Variants in SNX29 observed in about 807,000 individuals in gnomAD.
SNX29 encodes sorting nexin 29, also known as sorting nexin-29.
Under a neutral mutation model 102.1 loss-of-function variants are expected in SNX29, and 78 were observed. That is an observed-to-expected ratio of 0.76 (90% CI 0.64 to 0.92). SNX29 has a LOEUF of 0.92. Ranked by LOEUF, SNX29 falls within the 40% of genes least tolerant of loss-of-function variation. The pLI is 0.00. For synonymous variants in SNX29, 580 were observed against 414.5 expected (o/e 1.40, Z -4.85); for missense variants, 1,280 against 1,061.7 (o/e 1.21, Z -2.86).
chr16:12,339,951 A>G (rs1263614526), intron 15 of SNX29, among the ~76,000 whole-genome samples: 3 of 152,214 alleles, frequency 2.0e-5, no homozygotes, highest in Admixed American at 2.0e-4. Context: ...TTTCTTAAGA[A>G]AAAGCAGGAT....
intron 16 of SNX29, among the ~76,000 whole-genome samples, chr16:12,387,780 A>C (rs1567511592): frequency 6.6e-6 from 1 of 152,162 alleles, no homozygotes; most frequent in Admixed American, 6.5e-5. Flanking sequence ...CTTGGTAGCC[A>C]AAACTAATCA....
intron 1 of SNX29, among the ~76,000 whole-genome samples, chr16:11,977,266 C>G (rs1188088037): frequency 6.6e-6 from 1 of 152,122 alleles, no homozygotes; most frequent in Non-Finnish European, 1.5e-5. Flanking sequence ...CAGGCATAGT[C>G]TTTCTGGACA....
intron 6 of SNX29, among the ~76,000 whole-genome samples, chr16:12,047,507 T>C (rs1231655766): frequency 6.6e-6 from 1 of 152,174 alleles, no homozygotes; most frequent in Non-Finnish European, 1.5e-5. Context: ...TGTTAACCAG[T>C]GCACATTTGA....
At chr16:12,440,342 C>G (rs2085743534) in intron 18 of SNX29, among the ~76,000 whole-genome samples, 1 of 152,218 alleles carries the variant, frequency 6.6e-6, no homozygotes, top group Non-Finnish European at 1.5e-5. Context: ...AGGTTTTCAT[C>G]ACCCTGGAGA....
chr16:12,562,371 T>G (rs754922338), intron 20 of SNX29, among the ~76,000 whole-genome samples: 7 of 141,074 alleles, frequency 5.0e-5, no homozygotes, highest in Non-Finnish European at 1.1e-4. Context: ...CTTGCACCAT[T>G]TTTTAAAACA....
intron 15 of SNX29, among the ~76,000 whole-genome samples, chr16:12,290,677 A>G (rs764217669): frequency 2.8e-4 from 42 of 152,162 alleles, no homozygotes; most frequent in African/African-American, 1.7e-4. Context: ...TTCTTTTTGT[A>G]GACACATAGG....
chr16:12,137,587 C>T (rs549410623), intron 13 of SNX29, among the ~76,000 whole-genome samples: 3 of 152,194 alleles, frequency 2.0e-5, no homozygotes, highest in South Asian at 2.1e-4. Context: ...GCACCCCAGG[C>T]GACCTTTATT....
At chr16:12,553,226 G>A (rs923463003) in intron 20 of SNX29, among the ~76,000 whole-genome samples, 1 of 152,128 alleles carries the variant, frequency 6.6e-6, no homozygotes, top group Non-Finnish European at 1.5e-5. Context: ...CGCAGATGGG[G>A]ACTTGAGAAT....
intron 20 of SNX29, among the ~76,000 whole-genome samples, chr16:12,548,252 C>CG (rs1189552836): frequency 7.2e-5 from 11 of 152,220 alleles, no homozygotes; most frequent in Admixed American, 2.0e-4. Context: ...TTCCTTCCTT[C>CG]TGGCTCACCA....
intron 20 of SNX29, among the ~76,000 whole-genome samples, chr16:12,543,442 T>C (rs2077436131): frequency 6.6e-6 from 1 of 152,152 alleles, no homozygotes; most frequent in African/African-American, 2.4e-5. Flanking sequence ...GGCAAACATA[T>C]GTTCATGCTG....
chr16:12,536,821 C>T (rs1597802568), intron 20 of SNX29, among the ~76,000 whole-genome samples: 1 of 152,042 alleles, frequency 6.6e-6, no homozygotes, highest in South Asian at 2.1e-4. Context: ...ATTAAAACTG[C>T]AAAAATTAGC....
chr16:12,476,322 AAGTG>A (rs2087592566), intron 18 of SNX29, among the ~76,000 whole-genome samples: 1 of 133,066 alleles, frequency 7.5e-6, no homozygotes, highest in African/African-American at 2.7e-5. Context: ...TCAAAAAAAA[AAGTG>A]AGCAAAGGAC....
At chr16:12,313,261 G>A (rs2080622511) in intron 15 of SNX29, among the ~76,000 whole-genome samples, 1 of 152,134 alleles carries the variant, frequency 6.6e-6, no homozygotes, top group South Asian at 2.1e-4. Flanking sequence ...TGATCCACCT[G>A]CCTCGGCCTC....
At chr16:12,288,553 A>G (rs1356844652) in intron 15 of SNX29, among the ~76,000 whole-genome samples, 1 of 152,054 alleles carries the variant, frequency 6.6e-6, no homozygotes, top group African/African-American at 2.4e-5. Context: ...CTTGCCCTTG[A>G]ATTCTTTCCT....
chr16:12,542,040 T>G (rs1463665118), intron 20 of SNX29, among the ~76,000 whole-genome samples: 3 of 152,148 alleles, frequency 2.0e-5, no homozygotes, highest in Admixed American at 6.5e-5. Flanking sequence ...TTTTTTTAAT[T>G]AGTTTGGCAA....
chr16:12,540,873 C>G (rs979607639), intron 20 of SNX29, among the ~76,000 whole-genome samples: 4 of 152,170 alleles, frequency 2.6e-5, no homozygotes, highest in African/African-American at 9.7e-5. Flanking sequence ...TGCCCTTTTC[C>G]ACTTCTGGAC....
At chr16:12,107,921 A>G (rs532597298) in intron 11 of SNX29, among the ~76,000 whole-genome samples, 5 of 152,176 alleles carry the variant, frequency 3.3e-5, no homozygotes, top group Non-Finnish European at 7.4e-5. Flanking sequence ...TGTTGAAGCT[A>G]TGAAATGAAT....
intron 13 of SNX29, among the ~76,000 whole-genome samples, chr16:12,154,313 G>T (rs974448116): frequency 6.6e-6 from 1 of 151,632 alleles, no homozygotes; most frequent in Non-Finnish European, 1.5e-5. Flanking sequence ...AGGCTTGAGG[G>T]CTTTTCTAGG....
At chr16:12,130,494 A>AG (rs1227405135) in intron 13 of SNX29, among the ~76,000 whole-genome samples, 1 of 151,524 alleles carries the variant, frequency 6.6e-6, no homozygotes, top group African/African-American at 2.4e-5. Flanking sequence ...AAAAAAAAAA[A>AG]AAAAGATAGC....
Sources: gnomAD v4.1 joint callset for allele counts (sites outside exome capture counted in the v4.1 genomes callset) on GRCh38, gnomAD v4.1.1 for gene constraint, MANE v1.5 for transcripts, NCBI Gene and HGNC (gene_info 2026-07-23, HGNC 2026-07-21) for gene names.